CASZ1: variants seen among roughly 807,000 people sequenced by gnomAD.
CASZ1 encodes zinc finger protein castor homolog 1.
A neutral mutation model predicts 135.2 loss-of-function variants in CASZ1; 28 were observed. The observed-to-expected ratio is 0.21, with a 90% CI of 0.15 to 0.28. The LOEUF (loss-of-function observed/expected upper bound fraction) is 0.28. Among genes scored for constraint, CASZ1 ranks in the 10% least tolerant of loss-of-function variants. The pLI, the probability that CASZ1 is intolerant of heterozygous loss-of-function variation, is 1.00. For missense variants in CASZ1, 2,161 were observed against 2,453.3 expected, an observed-to-expected ratio of 0.88 and a Z score of 2.52; for synonymous variants, 1,068 against 1,073.4, an observed-to-expected ratio of 0.99 and a Z score of 0.10.
At chr1:10,784,869 A>G (rs1640827105) in intron 1 of CASZ1, among the ~76,000 whole-genome samples, 1 of 152,178 alleles carries the variant, frequency 6.6e-6, no homozygotes, top group Non-Finnish European at 1.5e-5. Flanking sequence ...CCTGGCCCCA[A>G]GAGTTATTTT....
At chr1:10,659,297 G>C (rs1642913273) in intron 6 of CASZ1, among the ~76,000 whole-genome samples, 1 of 150,924 alleles carries the variant, frequency 6.6e-6, no homozygotes, top group Non-Finnish European at 1.5e-5. Flanking sequence ...AGCAGGTAGA[G>C]AAAGCCTGTC....
Position 10,649,266 on chromosome 1 carries a change from G to C in CASZ1, c.3035+17C>G, listed in dbSNP as rs759053477. On this transcript the variant is annotated intron_variant, in intron 14 of 20. Coordinates refer to ENST00000377022, the MANE Select transcript of CASZ1 (RefSeq NM_001079843.3). Reference sequence around the variant, plus strand: ...GTGCGGGGGGACGATGGGTGGACGCGGCCAGCAGCCCCTCACCTGCGCAGG... The same window carrying C: ...GTGCGGGGGGACGATGGGTGGACGCCGCCAGCAGCCCCTCACCTGCGCAGG... The C allele has an allele frequency of 6.2e-7, 1 of 1,602,088 alleles. No homozygotes were observed. The highest frequency in any genetic ancestry group is 1.3e-5 in the African/African-American group (1 of 74,740).
chr1:10,665,530 C>T lies in CASZ1; in HGVS notation c.58G>A (p.Ala20Thr), dbSNP rs76910492. The T allele has an allele frequency of 0.012, 18,829 of 1,593,612 alleles. 155 individuals are homozygous for T. The highest frequency in any genetic ancestry group is 0.024 in the Middle Eastern group (142 of 5,996). The part of the protein sequence containing the change: ...RCTDPPAGKP[A>T]MAPKRKGGLK... ...CCACCCTTGCGTTTGGGCGCCATGG[C>T]GGGCTTGCCTGCAGGCGGGTCCGTG... Residue 20 changes from alanine (A) to threonine (T), a missense_variant, in exon 5 of 21, where the codon GCC becomes ACC. Ala to Thr is a moderately conservative substitution (Grantham distance 58). Around this residue, in one of 7 missense-constraint regions of CASZ1, gnomAD observed 590 missense variants for 609.8 expected, o/e 0.97. Coordinates refer to ENST00000377022, the MANE Select transcript of CASZ1 (RefSeq NM_001079843.3).
chr1:10,656,742 G>C lies in CASZ1; in HGVS notation c.1410-6C>G, dbSNP rs764808107. On this transcript the variant is annotated splice_polypyrimidine_tract_variant and splice_region_variant and intron_variant, in intron 7 of 20. Transcript: ENST00000377022. ...AGTGCTGGCTGCCCGAGAACCTGGA[G>C]GGAGGAGGGGTGGGGTCAGGGCCCT... The C allele has an allele frequency of 2.5e-6, 4 of 1,578,778 alleles. No homozygotes were observed. In the East Asian group the frequency reaches 9.1e-5, roughly 36 times the overall value.
chr1:10,794,538 A>G lies in CASZ1; in HGVS notation c.-234+2026T>C, dbSNP rs1486014569. Among the ~76,000 whole-genome samples the G allele has an allele frequency of 2.0e-5, 3 of 151,580 alleles. No individual in the cohort carries two copies. Among genetic ancestry groups the G allele is most frequent in the African/African-American group, 7.3e-5 (3 of 41,254 alleles). On this transcript the variant is annotated intron_variant, in intron 1 of 20. Coordinates refer to ENST00000377022, the MANE Select transcript of CASZ1 (RefSeq NM_001079843.3). The surrounding 1 kb of genome is among the most constrained non-coding windows in gnomAD (Gnocchi z 5.6). ...GCTTTTCCGGTGGGCACGCACCCGC[A>G]CCCGCACCGTAGCCAGCGTGGCTGG...
chr1:10,745,481 G>T (rs79798292), intron 2 of CASZ1, among the ~76,000 whole-genome samples: 1 of 152,182 alleles, frequency 6.6e-6, no homozygotes, highest in Non-Finnish European at 1.5e-5. Flanking sequence ...ACTCAAGGGG[G>T]TGTGGGCAGG....
At position 10,787,138 on chromosome 1, in the gene CASZ1, G is replaced by A. The variant is rs1286361542; in HGVS notation, c.-234+9426C>T. ...CAGGACACCCTTCCGAGGGTGGTAC[G>A]GTCAGAGGCCATTTGACAAGAGAGG... On this transcript the variant is annotated intron_variant, in intron 1 of 20. Coordinates refer to ENST00000377022, the MANE Select transcript of CASZ1 (RefSeq NM_001079843.3). 3.3e-5 allele frequency among the ~76,000 whole-genome samples: 5 copies of A among 152,344 alleles called. 1 individual carries two copies. Among genetic ancestry groups the A allele is most frequent in the South Asian group, 4.1e-4 (2 of 4,828 alleles).
intron 5 of CASZ1, among the ~76,000 whole-genome samples, chr1:10,662,213 C>T (rs1643059897): frequency 6.6e-6 from 1 of 151,764 alleles, no homozygotes; most frequent in South Asian, 2.1e-4. Context: ...CGCACAGTCA[C>T]ATGCAATCAC....
rs1239451433 is a variant in CASZ1, at chr1:10,694,687, C to T, written c.-23-775G>A. Among the ~76,000 whole-genome samples, 1 of 121,854 alleles carries T rather than the reference C, an allele frequency of 8.2e-6. No homozygotes were observed. The highest frequency in any genetic ancestry group is 1.7e-5 in the Non-Finnish European group (1 of 60,530). The allele number at this position is 121,854 out of a possible 152,430, so 79.9% of individuals were successfully genotyped here. A position where few individuals can be genotyped will look rare whatever the true frequency, so the allele number is the denominator to read the frequency against. On this transcript the variant is annotated intron_variant, in intron 3 of 20. Transcript: ENST00000377022. This position sits in a 1 kb window ranked among gnomAD's most constrained non-coding sequence, Gnocchi z 6.6. The stretch of plus-strand genomic sequence containing the variant: ...GAATGGGCTCGCGCTCGCTCGCGCC[C>T]CCGCCGCGCGCCCCCGCCGCGCGCG...
rs890722863 is a variant in CASZ1 at position 10,755,657 on chromosome 1, C to T, written c.-77+5044G>A. Among the ~76,000 whole-genome samples the T allele has an allele frequency of 5.3e-5, 8 of 152,174 alleles. No individual in the cohort carries two copies. Among genetic ancestry groups the T allele is most frequent in the East Asian group, 3.9e-4 (2 of 5,158 alleles). ...CCGAAGGCAGGGGGTGTGGGGAGAACGGAGGAAGGAGGCCCAGGCTGGGGT... is the reference window on the plus strand; with the variant it reads ...CCGAAGGCAGGGGGTGTGGGGAGAATGGAGGAAGGAGGCCCAGGCTGGGGT... On this transcript the variant is annotated intron_variant, in intron 2 of 20. Coordinates refer to ENST00000377022, the MANE Select transcript of CASZ1 (RefSeq NM_001079843.3). The surrounding 1 kb of genome is among the most constrained non-coding windows in gnomAD (Gnocchi z 4.3).
At position 10,659,850 on chromosome 1, in the gene CASZ1, C is replaced by T. The variant is rs750944983; in HGVS notation, c.1192G>A (p.Ala398Thr). 1.5e-5 allele frequency: 24 copies of T among 1,610,862 alleles called. No individual in the cohort carries two copies. Among genetic ancestry groups the T allele is most frequent in the Middle Eastern group, 1.7e-4 (1 of 5,936 alleles). The change falls in exon 6 of 21, where the codon GCA (alanine) becomes ACA (threonine). Residue 398 changes from alanine (A) to threonine (T), a missense_variant. Coordinates refer to ENST00000377022, the MANE Select transcript of CASZ1 (RefSeq NM_001079843.3). The stretch of plus-strand genomic sequence containing the variant: ...GCACTGGGCACGCTGGCGAGGGGTG[C>T]GGGAGCCAGGCTGGGGGTGGGCGGA... ...KVPPTPSLAP[A>T]PLASVPSAPS...
intron 1 of CASZ1, among the ~76,000 whole-genome samples, chr1:10,779,639 G>A (rs1640727365): frequency 6.6e-6 from 1 of 152,200 alleles, no homozygotes; most frequent in Non-Finnish European, 1.5e-5. Flanking sequence ...TCATTTTGGA[G>A]GATCACCTTT....
At chr1:10,782,033 C>T (rs1640771851) in intron 1 of CASZ1, among the ~76,000 whole-genome samples, 1 of 152,232 alleles carries the variant, frequency 6.6e-6, no homozygotes, top group Non-Finnish European at 1.5e-5. Context: ...CACAGACACC[C>T]CCCAGGAGCA....
rs906901405 is a variant in CASZ1, at chr1:10,649,331, G to A, written c.2987C>T (p.Ala996Val). ...PSPFLGKAVK[A>V]LVQEKLAEPW... Reference sequence around the variant, plus strand: ...CTCTGCCAACTTCTCCTGAACCAGCGCCTTCACGGCCTTGCCTAGGAAGGG... The same window carrying A: ...CTCTGCCAACTTCTCCTGAACCAGCACCTTCACGGCCTTGCCTAGGAAGGG... The change falls in exon 14 of 21, where the codon GCG becomes GTG. Residue 996 changes from alanine (A) to valine (V), a missense_variant. Transcript: ENST00000377022. The A allele has an allele frequency of 3.8e-6, 6 of 1,596,528 alleles. No individual in the cohort carries two copies. Among genetic ancestry groups the A allele is most frequent in the South Asian group, 1.1e-5 (1 of 88,626 alleles).
intron 1 of CASZ1, among the ~76,000 whole-genome samples, chr1:10,761,214 G>A (rs1386193950): frequency 1.3e-5 from 2 of 152,224 alleles, no homozygotes; most frequent in African/African-American, 2.4e-5. Context: ...GAAAGGTCAG[G>A]CCTGAAAATG....
In CASZ1 at chr1:10,755,485, C is replaced by G. The variant is rs777120148; in HGVS notation, c.-77+5216G>C. Among the ~76,000 whole-genome samples, 1 of 152,166 alleles carries G rather than the reference C, an allele frequency of 6.6e-6. No individual in the cohort carries two copies. The highest frequency in any genetic ancestry group is 2.4e-5 in the African/African-American group (1 of 41,436). ...CACCGCGTCAACCCTCCCAAATCCA[C>G]GGGTTGTCCCATCCTTTGGATCAAC... On this transcript the variant is annotated intron_variant, in intron 2 of 20. Transcript: ENST00000377022. This position sits in a 1 kb window ranked among gnomAD's most constrained non-coding sequence, Gnocchi z 4.3.
At position 10,655,748 on chromosome 1, in the gene CASZ1, C is replaced by A. The variant is rs1215016990; in HGVS notation, c.1566G>T (p.Leu522=). ...GGCTGAAACGCATGAAGCCGTGCTG[C>A]AGGGAGTTGTCGCGCTTCTTGTGCA... ...YNMHKKRDNS[L]QHGFMRFSPL... The change falls in exon 9 of 21, where the codon CTG becomes CTT. Residue 522 remains leucine, a synonymous_variant. Transcript: ENST00000377022. The A allele has an allele frequency of 6.2e-7, 1 of 1,614,214 alleles. No individual in the cohort carries two copies. The highest frequency in any genetic ancestry group is 8.5e-7 in the Non-Finnish European group (1 of 1,179,998).
chr1:10,663,473 T>C (rs897830329), intron 5 of CASZ1, among the ~76,000 whole-genome samples: 14 of 152,110 alleles, frequency 9.2e-5, no homozygotes, highest in Non-Finnish European at 1.9e-4. Flanking sequence ...CTACACAGGG[T>C]TGGGGGGCCC....
chr1:10,705,438 G>C (rs1250108002), intron 3 of CASZ1, 54 bp downstream of exon 3: 1 of 152,356 alleles, frequency 6.6e-6, no homozygotes, highest in South Asian at 2.1e-4. Context: ...CATTAGGTGA[G>C]TGGTCACCAG....
Sources: allele counts gnomAD v4.1 joint callset (sites outside exome capture counted in the v4.1 genomes callset), GRCh38; gene constraint gnomAD v4.1.1; regional missense constraint gnomAD v4.1.1; non-coding constraint Gnocchi (gnomAD v3.1); transcripts MANE v1.5; gene names NCBI Gene and HGNC (gene_info 2026-07-23, HGNC 2026-07-21).